Variants in CELF2 observed in about 807,000 individuals in gnomAD.
The protein encoded by CELF2 is CUG triplet repeat RNA-binding protein 2.
A neutral mutation model predicts 62.6 loss-of-function variants in CELF2; 8 were observed. That is an observed-to-expected ratio of 0.13 (90% CI 0.07 to 0.23). CELF2 has a LOEUF of 0.23. Ranked by LOEUF, CELF2 falls within the 10% of genes least tolerant of loss-of-function variation. CELF2 has a pLI of 1.00. For missense variants in CELF2, 333 were observed against 671.0 expected (o/e 0.50, Z 5.56); for synonymous variants, 258 against 250.0 (o/e 1.03, Z -0.30).
At chr10:10,806,959 G>T (rs1287576653) in intron 1 of CELF2, among the ~76,000 whole-genome samples, 1 of 152,126 alleles carries the variant, frequency 6.6e-6, no homozygotes, top group Non-Finnish European at 1.5e-5. Context: ...TGTTGTCCAC[G>T]GTTACCCCCC....
In CELF2 at chr10:11,266,652, C is replaced by G. The variant is rs749686680; in HGVS notation, c.593C>G (p.Ala198Gly). Residue 198 changes from alanine to glycine, a missense_variant, in exon 6 of 13, where the codon GCC becomes GGC. Transcript: ENST00000633077. ...GCAATGGCACAGAATGCAATCAAAGCCATGCATCAGTCTCAGACCATGGAG... is the reference window on the plus strand; with the variant it reads ...GCAATGGCACAGAATGCAATCAAAGGCATGCATCAGTCTCAGACCATGGAG... The part of the protein sequence containing the change: ...TRAMAQNAIK[A>G]MHQSQTMEGC... The G allele has an allele frequency of 6.2e-7, 1 of 1,613,968 alleles. No individual in the cohort carries two copies. The highest frequency in any genetic ancestry group is 8.5e-7 in the Non-Finnish European group (1 of 1,179,854).
chr10:10,875,655 G>A (rs1299833731), intron 1 of CELF2, among the ~76,000 whole-genome samples: 1 of 152,126 alleles, frequency 6.6e-6, no homozygotes, highest in Non-Finnish European at 1.5e-5. Flanking sequence ...TGCTGGGGTG[G>A]GAGGATGAGG....
At chr10:10,597,927 T>C in the CELF2 span, among the ~76,000 whole-genome samples, 2 of 152,160 alleles carry the variant, frequency 1.3e-5, no homozygotes, top group African/African-American at 4.8e-5. Context: ...AATACATAAA[T>C]ATTACTTTTC....
the CELF2 span, among the ~76,000 whole-genome samples, chr10:10,625,133 G>A: frequency 6.6e-6 from 1 of 152,156 alleles, no homozygotes. Context: ...AGTTTAATTA[G>A]ATAGGAACTG....
chr10:10,670,427 A>C, the CELF2 span, among the ~76,000 whole-genome samples: 1 of 152,158 alleles, frequency 6.6e-6, no homozygotes, highest in African/African-American at 2.4e-5. Flanking sequence ...GACTTTTTTG[A>C]GATTTTATTT....
intron 1 of CELF2, among the ~76,000 whole-genome samples, chr10:11,055,063 AATTG>A (rs2064921229): frequency 6.6e-6 from 1 of 152,320 alleles, no homozygotes; most frequent in Admixed American, 6.5e-5. Context: ...AGATTTTGAA[AATTG>A]ATTGAATTAC....
At chr10:11,301,323 A>C (rs1169911997) in intron 9 of CELF2, among the ~76,000 whole-genome samples, 1 of 151,160 alleles carries the variant, frequency 6.6e-6, no homozygotes, top group African/African-American at 2.4e-5. Context: ...CAGAATAAGA[A>C]GCCCACTGGA....
chr10:11,134,553 T>A (rs1038729395), intron 1 of CELF2, among the ~76,000 whole-genome samples: 1 of 152,188 alleles, frequency 6.6e-6, no homozygotes, highest in Non-Finnish European at 1.5e-5. Context: ...GCGGTGCCCA[T>A]AGGTGACTCT....
intron 7 of CELF2, among the ~76,000 whole-genome samples, chr10:11,273,500 C>T (rs958395601): frequency 1.3e-5 from 2 of 152,166 alleles, no homozygotes; most frequent in Non-Finnish European, 2.9e-5. Context: ...TTGTCTTCCA[C>T]GAAACTTCTT....
chr10:10,850,896 C>G (rs552522916), intron 1 of CELF2, among the ~76,000 whole-genome samples: 2 of 152,126 alleles, frequency 1.3e-5, no homozygotes, highest in Admixed American at 6.5e-5. Flanking sequence ...ACCTCTGCCT[C>G]CTGGGTTCAA....
chr10:11,324,876 G>A lies in CELF2; in HGVS notation c.1295-960G>A, dbSNP rs1374862124. Among the ~76,000 whole-genome samples the A allele has an allele frequency of 6.6e-6, 1 of 152,216 alleles. No homozygotes were observed. Among genetic ancestry groups the A allele is most frequent in the Non-Finnish European group, 1.5e-5 (1 of 68,030 alleles). ...GCCAGTTGAGGATTCCTGACCCGCTGCAGAAGTCGCCTCACCAGTTCTGTG... is the reference window on the plus strand; with the variant it reads ...GCCAGTTGAGGATTCCTGACCCGCTACAGAAGTCGCCTCACCAGTTCTGTG... On this transcript the variant is annotated intron_variant, in intron 11 of 12. Coordinates refer to ENST00000633077, the MANE Select transcript of CELF2 (RefSeq NM_001326342.2). The surrounding 1 kb of genome is among the most constrained non-coding windows in gnomAD (Gnocchi z 4.7).
At chr10:10,489,038 A>G in the CELF2 span, among the ~76,000 whole-genome samples, 1 of 152,042 alleles carries the variant, frequency 6.6e-6, no homozygotes, top group Non-Finnish European at 1.5e-5. Flanking sequence ...TTAAATATCA[A>G]TGTAATTTCA....
the CELF2 span, among the ~76,000 whole-genome samples, chr10:10,780,305 A>C: frequency 1.3e-5 from 2 of 152,152 alleles, no homozygotes; most frequent in African/African-American, 4.8e-5. Flanking sequence ...CAAGAATAAG[A>C]ATTAATGATT....
intron 2 of CELF2, among the ~76,000 whole-genome samples, chr10:10,998,846 C>T (rs926165898): frequency 1.2e-4 from 19 of 152,206 alleles, no homozygotes; most frequent in Admixed American, 1.2e-3. Flanking sequence ...CACCCTCCTG[C>T]TCCCATTGCT....
chr10:10,571,993 A>T, the CELF2 span, among the ~76,000 whole-genome samples: 4 of 152,080 alleles, frequency 2.6e-5, no homozygotes, highest in South Asian at 2.1e-4. Flanking sequence ...GTCTGATGGG[A>T]TTCACCTCAG....
the CELF2 span, among the ~76,000 whole-genome samples, chr10:10,679,706 A>G: frequency 3.3e-5 from 5 of 152,250 alleles, no homozygotes; most frequent in Admixed American, 3.3e-4. Flanking sequence ...TCAACACAAT[A>G]TTGACATTTC....
At chr10:11,230,628 G>A (rs940889712) in intron 3 of CELF2, among the ~76,000 whole-genome samples, 4 of 152,212 alleles carry the variant, frequency 2.6e-5, no homozygotes, top group African/African-American at 7.2e-5. Context: ...GAGATGTGAG[G>A]ACATGCTGGT....
intron 2 of CELF2, among the ~76,000 whole-genome samples, chr10:10,942,967 C>T (rs977406594): frequency 6.6e-6 from 1 of 152,202 alleles, no homozygotes; most frequent in Non-Finnish European, 1.5e-5. Context: ...CAAGGGGAAG[C>T]TCAGGGCAGG....
chr10:11,152,285 C>T (rs929444902), intron 1 of CELF2, among the ~76,000 whole-genome samples: 3 of 152,170 alleles, frequency 2.0e-5, no homozygotes, highest in African/African-American at 7.2e-5. Context: ...CATTCAAGAC[C>T]TTGAACATTA....
Sources: gnomAD v4.1 joint callset for allele counts (sites outside exome capture counted in the v4.1 genomes callset) on GRCh38, gnomAD v4.1.1 for gene constraint, Gnocchi (gnomAD v3.1) non-coding constraint, MANE v1.5 for transcripts, NCBI Gene and HGNC (gene_info 2026-07-23, HGNC 2026-07-21) for gene names.